Variants in LRP11 observed in about 807,000 individuals in gnomAD.
LRP11 encodes low-density lipoprotein receptor-related protein 11.
Under a neutral mutation model 43.1 loss-of-function variants are expected in LRP11, and 25 were observed. The observed-to-expected ratio is 0.58, with a 90% CI of 0.42 to 0.81. The LOEUF (loss-of-function observed/expected upper bound fraction) is 0.81. Ranked by LOEUF, LRP11 falls within the 30% of genes least tolerant of loss-of-function variation. The pLI is 0.00. For missense variants in LRP11, 623 were observed against 665.1 expected, an observed-to-expected ratio of 0.94 and a Z score of 0.70; for synonymous variants, 316 against 299.4, an observed-to-expected ratio of 1.06 and a Z score of -0.57.
chr6:149,827,257 T>C lies in LRP11; in HGVS notation c.1253-898A>G, dbSNP rs552557211. Among the ~76,000 whole-genome samples the C allele has an allele frequency of 1.3e-5, 2 of 152,170 alleles. No individual in the cohort carries two copies. Among genetic ancestry groups the C allele is most frequent in the East Asian group, 3.9e-4 (2 of 5,194 alleles). On this transcript the variant is annotated intron_variant, in intron 5 of 6. Transcript: ENST00000239367. The surrounding 1 kb of genome is among the most constrained non-coding windows in gnomAD (Gnocchi z 4.2). ...GTGAGCCACCATGCCCAGCCTTAAG[T>C]GGGATTTTTGAGTATTACAATGCTT...
chr6:149,846,457 C>G (rs527708964), intron 2 of LRP11, among the ~76,000 whole-genome samples: 1 of 152,164 alleles, frequency 6.6e-6, no homozygotes, highest in Admixed American at 6.5e-5. Flanking sequence ...TGAAAGCAGA[C>G]AAGAAGCCCT....
intron 3 of LRP11, chr6:149,842,732 G>T: frequency 6.6e-7 from 1 of 1,519,322 alleles, no homozygotes; most frequent in Non-Finnish European, 8.9e-7. Context: ...ATGAAGTCGA[G>T]TCAAGAGAAG....
rs9478144 is a variant in LRP11, at chr6:149,826,288, C to G, written c.1324G>C (p.Gly442Arg). Reference sequence around the variant, plus strand: ...CCTGTTTCTGGGGCTGGGTGTTCCCCTCCTCCTCCATCACCCTTTGACTCA... The same window carrying G: ...CCTGTTTCTGGGGCTGGGTGTTCCCGTCCTCCTCCATCACCCTTTGACTCA... ...IFESKGDGGG[G>R]EHPAPETGAV... Residue 442 changes from glycine to arginine, a missense_variant, in exon 6 of 7, where the codon GGG (glycine) becomes CGG (arginine). Transcript: ENST00000239367. 5.0e-6 allele frequency: 8 copies of G among 1,613,190 alleles called. No homozygotes were observed. Among genetic ancestry groups the G allele is most frequent in the South Asian group, 1.1e-5 (1 of 91,062 alleles).
chr6:149,853,193 G>A (rs766881131), intron 1 of LRP11, 33 bp from the exon 2 acceptor site: 2 of 1,500,342 alleles, frequency 1.3e-6, no homozygotes, highest in Non-Finnish European at 8.9e-7. Flanking sequence ...CATAAAAGAT[G>A]ATTTCTTATT....
rs1776672996 is a variant in LRP11 at position 149,848,525 on chromosome 6, T to C, written c.771+4478A>G. Among the ~76,000 whole-genome samples the C allele has an allele frequency of 3.3e-5, 5 of 152,208 alleles. No homozygotes were observed. In the South Asian group the frequency reaches 1.0e-3, roughly 31 times the overall value. ...CTGGATGAAGAATATGTGGTACATA[T>C]ACACCATGGAATACTATGCAGCCAT... On this transcript the variant is annotated intron_variant, in intron 2 of 6. Coordinates refer to ENST00000239367, the MANE Select transcript of LRP11 (RefSeq NM_032832.6).
chr6:149,862,382 G>T (rs550793044), intron 1 of LRP11, among the ~76,000 whole-genome samples: 10 of 152,208 alleles, frequency 6.6e-5, no homozygotes, highest in African/African-American at 2.2e-4. Context: ...TAAACACACG[G>T]AGCCTGACCA....
intron 2 of LRP11, among the ~76,000 whole-genome samples, chr6:149,850,308 G>T (rs1005142608): frequency 6.6e-6 from 1 of 152,180 alleles, no homozygotes; most frequent in Admixed American, 6.5e-5. Flanking sequence ...AAAGGAATTT[G>T]ATTTGAGAGG....
At chr6:149,831,333 T>C (rs2115378691) in intron 5 of LRP11, among the ~76,000 whole-genome samples, 1 of 152,364 alleles carries the variant, frequency 6.6e-6, no homozygotes, top group Middle Eastern at 3.4e-3. Context: ...TGAATGTGGA[T>C]GTAGCACCAC....
At chr6:149,846,951 AATAATAGAAT>A (rs1776642316) in intron 2 of LRP11, among the ~76,000 whole-genome samples, 1 of 80,376 alleles carries the variant, frequency 1.2e-5, no homozygotes, top group East Asian at 2.8e-4. Flanking sequence ...AATAAAATAA[AATAATAGAAT>A]AGAATAGAAT....
At chr6:149,826,122 CA>C in intron 6 of LRP11, 141 bp downstream of exon 6, 1 of 742,146 alleles carries the variant, frequency 1.3e-6, no homozygotes, top group Non-Finnish European at 2.5e-6. Context: ...GCAATACAAG[CA>C]ACGAGGAGAC....
At chr6:149,852,089 T>C (rs1776728061) in intron 2 of LRP11, among the ~76,000 whole-genome samples, 1 of 152,076 alleles carries the variant, frequency 6.6e-6, no homozygotes, top group South Asian at 2.1e-4. Flanking sequence ...GTGGAGATTA[T>C]GGGGATTACA....
intron 2 of LRP11, among the ~76,000 whole-genome samples, chr6:149,845,333 C>T (rs551733978): frequency 3.3e-5 from 5 of 152,228 alleles, no homozygotes; most frequent in East Asian, 1.9e-4. Flanking sequence ...AACGAATCCC[C>T]GTGAAGTGAT....
At position 149,864,094 on chromosome 6, in the gene LRP11, G is replaced by A; in HGVS notation, c.-74C>T. On this transcript the variant is annotated 5_prime_UTR_variant, in exon 1 of 7. Transcript: ENST00000239367. ...GGAAGGCGGGGACGCGGGCGAGCGC[G>A]GGCCCTGGGCCCCTCCTGCGCGGCC... The A allele has an allele frequency of 8.2e-7, 1 of 1,216,188 alleles. No homozygotes were observed. The highest frequency in any genetic ancestry group is 1.6e-5 in the African/African-American group (1 of 63,056). The allele number at this position is 1,216,188 out of a possible 1,614,324, so 75.3% of individuals were successfully genotyped here.
rs747186525 is a variant in LRP11 at position 149,863,870 on chromosome 6, G to A, written c.151C>T (p.Gln51Ter). The change falls in exon 1 of 7, where the codon CAG becomes TAG. Residue 51 changes from glutamine (Q) to a stop codon, truncating the protein, a stop_gained. Coordinates refer to ENST00000239367, the MANE Select transcript of LRP11 (RefSeq NM_032832.6). LOFTEE classifies it high-confidence loss of function. ...PAAPLSELHA[Q>*]LSGVEQLLEE... ...AGCAGCTGCTCCACGCCCGACAGCT[G>A]CGCGTGCAGTTCGGACAGCGGCGCC... The A allele has an allele frequency of 2.0e-6, 3 of 1,505,024 alleles. No individual in the cohort carries two copies. The highest frequency in any genetic ancestry group is 2.6e-6 in the Non-Finnish European group (3 of 1,135,900). 93.2% of individuals were successfully genotyped at this position (1,505,024 alleles called of 1,614,324 possible). A position where few individuals can be genotyped will look rare whatever the true frequency, so the allele number is the denominator to read the frequency against.
In LRP11 at chr6:149,853,008, T is replaced by C. The variant is rs1214565213; in HGVS notation, c.766A>G (p.Met256Val). The stretch of plus-strand genomic sequence containing the variant: ...GCAGTGACAACATGCGTTACCTTCA[T>C]GTCCACTGACGGGTCCCCCTGCAGC... ...ALLQGDPSVDMKVPQSGTLKL... is the reference protein window; with the variant it reads ...ALLQGDPSVDVKVPQSGTLKL... Residue 256 changes from methionine to valine, a missense_variant, in exon 2 of 7, where the codon ATG becomes GTG. Met to Val is a conservative substitution (Grantham distance 21, BLOSUM62 1). Transcript: ENST00000239367. 1.3e-6 allele frequency: 2 copies of C among 1,590,606 alleles called. No individual in the cohort carries two copies. The highest frequency in any genetic ancestry group is 1.9e-5 in the Admixed American group (1 of 53,726).
chr6:149,849,400 T>C (rs979596827), intron 2 of LRP11, among the ~76,000 whole-genome samples: 10 of 152,216 alleles, frequency 6.6e-5, no homozygotes, highest in African/African-American at 2.2e-4. Context: ...GCATAAAATA[T>C]ATAACTTTAA....
At position 149,861,555 on chromosome 6, in the gene LRP11, C is replaced by T. The variant is rs568286201; in HGVS notation, c.613+1853G>A. Among the ~76,000 whole-genome samples the T allele has an allele frequency of 2.6e-5, 4 of 152,250 alleles. 1 individual carries two copies. In the South Asian group the frequency reaches 8.3e-4, roughly 32 times the overall value. On this transcript the variant is annotated intron_variant, in intron 1 of 6. Transcript: ENST00000239367. ...CTGAGGCAGTGTCTCCCTCTGTTGC[C>T]CAGGCTGGAGTGCAGTGGCGCAATC...
intron 3 of LRP11, among the ~76,000 whole-genome samples, chr6:149,838,024 T>A (rs1044687075): frequency 5.3e-5 from 8 of 152,126 alleles, no homozygotes; most frequent in Non-Finnish European, 1.2e-4. Context: ...TTCAAGAGAT[T>A]CTCTTGCCTC....
intron 5 of LRP11, among the ~76,000 whole-genome samples, chr6:149,828,929 A>T (rs1776373942): frequency 6.6e-6 from 1 of 152,184 alleles, no homozygotes; most frequent in Non-Finnish European, 1.5e-5. Flanking sequence ...AAAGTCAATA[A>T]TGCCTGATTT....
Sources: gnomAD v4.1 joint callset for allele counts (sites outside exome capture counted in the v4.1 genomes callset) on GRCh38, gnomAD v4.1.1 for gene constraint, Gnocchi (gnomAD v3.1) non-coding constraint, MANE v1.5 for transcripts, NCBI Gene and HGNC (gene_info 2026-07-23, HGNC 2026-07-21) for gene names.